The following SGSM1 variants were observed in gnomAD, a reference collection of about 807,000 sequenced individuals.
The protein encoded by SGSM1 is RUN and TBC1 domain containing 2.
A neutral mutation model predicts 133.8 loss-of-function variants in SGSM1; 73 were observed. That is an observed-to-expected ratio of 0.55 (90% confidence interval 0.45 to 0.66). SGSM1 has a LOEUF of 0.66. Ranked by LOEUF, SGSM1 falls within the 30% of genes least tolerant of loss-of-function variation. SGSM1 has a pLI of 0.00. For missense variants in SGSM1, 1,213 were observed against 1,448.1 expected (o/e 0.84, Z 2.64); for synonymous variants, 563 against 573.0 (o/e 0.98, Z 0.25).
intron 2 of SGSM1, among the ~76,000 whole-genome samples, chr22:24,811,676 G>A (rs1330731997): frequency 6.6e-6 from 1 of 151,922 alleles, no homozygotes; most frequent in Non-Finnish European, 1.5e-5. Context: ...GACCAGCCTG[G>A]GCAACATAGC....
intron 2 of SGSM1, chr22:24,844,617 T>A (rs1929987086): frequency 9.4e-6 from 4 of 423,928 alleles, no homozygotes; most frequent in Admixed American, 3.8e-5. Flanking sequence ...GACAGTGTGG[T>A]CAGGAAAGGA....
chr22:24,835,191 C>T (rs1343088978), intron 2 of SGSM1, among the ~76,000 whole-genome samples: 3 of 152,186 alleles, frequency 2.0e-5, no homozygotes, highest in African/African-American at 7.2e-5. Flanking sequence ...AGGTGGGATG[C>T]ACAGACCAGA....
At chr22:24,870,379 C>A (rs114556541) in intron 12 of SGSM1, among the ~76,000 whole-genome samples, 3 of 152,234 alleles carry the variant, frequency 2.0e-5, no homozygotes, top group Non-Finnish European at 4.4e-5. Context: ...GAGTTCTACT[C>A]GAGAGCCAGT....
intron 13 of SGSM1, among the ~76,000 whole-genome samples, chr22:24,877,908 T>G (rs1457412691): frequency 1.3e-5 from 2 of 149,404 alleles, no homozygotes; most frequent in Non-Finnish European, 1.5e-5. Flanking sequence ...CCTCCCGGGT[T>G]TAAGCAATTC....
At chr22:24,812,779 A>G (rs1466497400) in intron 2 of SGSM1, among the ~76,000 whole-genome samples, 1 of 152,000 alleles carries the variant, frequency 6.6e-6, no homozygotes, top group Non-Finnish European at 1.5e-5. Flanking sequence ...TCCCTCTGTT[A>G]TTTTCTTTCT....
Position 24,842,189 on chromosome 22 carries a change from T to C in SGSM1, c.64-2708T>C, listed in dbSNP as rs150422115. On this transcript the variant is annotated intron_variant, in intron 2 of 24. Transcript: ENST00000400358. ...GGAGCAAAGGAAAGAAAGAGGTAGA[T>C]TCCTGCAGAGGGGAGAGAGGTGTGC... Among the ~76,000 whole-genome samples the C allele has an allele frequency of 2.4e-4, 37 of 152,286 alleles. No individual in the cohort carries two copies. The East Asian group carries it at 7.2e-3, about 29-fold the overall frequency.
intron 5 of SGSM1, among the ~76,000 whole-genome samples, chr22:24,852,439 T>A (rs1431669974): frequency 1.3e-5 from 2 of 152,172 alleles, no homozygotes; most frequent in African/African-American, 2.4e-5. Flanking sequence ...TACCTGCTAA[T>A]TTTTAAATTT....
chr22:24,917,843 T>A (rs1933873370), intron 23 of SGSM1, 89 bp downstream of exon 23: 1 of 1,076,408 alleles, frequency 9.3e-7, no homozygotes, highest in Non-Finnish European at 1.4e-6. Flanking sequence ...GGTTGAGGGG[T>A]TGGCAACAGA....
chr22:24,843,084 C>T (rs1411649679), intron 2 of SGSM1, among the ~76,000 whole-genome samples: 1 of 152,226 alleles, frequency 6.6e-6, no homozygotes, highest in Non-Finnish European at 1.5e-5. Context: ...CCTTCCTACC[C>T]TGTGACCTTG....
At chr22:24,885,538 A>C (rs574445795) in intron 15 of SGSM1, among the ~76,000 whole-genome samples, 2 of 148,470 alleles carry the variant, frequency 1.3e-5, no homozygotes, top group Admixed American at 6.9e-5. Flanking sequence ...TCCCGGGTTC[A>C]AGCGATTCTT....
At chr22:24,839,124 T>C (rs4822553) in intron 2 of SGSM1, among the ~76,000 whole-genome samples, 121,344 of 152,184 alleles carry the variant, frequency 0.8, 49,252 homozygotes, top group African/African-American at 0.94. Context: ...AGTGTGATCA[T>C]GGCTCACTGC....
At position 24,810,839 on chromosome 22, in the gene SGSM1, G is replaced by A. The variant is rs549100746; in HGVS notation, c.63+4355G>A. ...ACTGAGCCTCCCAGCCTCTGGGTTA[G>A]GGGTGATGAGATGGGAGAGGCAGGC... On this transcript the variant is annotated intron_variant, in intron 2 of 24. Transcript: ENST00000400358. Among the ~76,000 whole-genome samples, 16 of 152,278 alleles carry A rather than the reference G, an allele frequency of 1.1e-4. No individual in the cohort carries two copies. In the South Asian group the frequency reaches 2.9e-3, roughly 28 times the overall value.
At chr22:24,815,826 A>G (rs5760680) in intron 2 of SGSM1, among the ~76,000 whole-genome samples, 105,585 of 151,992 alleles carry the variant, frequency 0.69, 37,011 homozygotes, top group East Asian at 0.92. Flanking sequence ...CATGCTGGGT[A>G]AGGGGTGTTG....
chr22:24,856,585 C>T (rs907021619), intron 8 of SGSM1, among the ~76,000 whole-genome samples: 11 of 152,128 alleles, frequency 7.2e-5, no homozygotes, highest in African/African-American at 2.4e-4. Flanking sequence ...TGTTTGGCCT[C>T]AGCGGGAGGA....
chr22:24,851,565 A>G lies in SGSM1; in HGVS notation c.455+1133A>G, dbSNP rs148168712. Among the ~76,000 whole-genome samples the G allele has an allele frequency of 2.1e-3, 326 of 152,040 alleles. 1 individual carries two copies. The highest frequency in any genetic ancestry group is 7.5e-3 in the African/African-American group (313 of 41,464). The stretch of plus-strand genomic sequence containing the variant: ...TCTTCACACAGTGGATGTTTTTATT[A>G]TCATTCTTTGCCCCTTTGCAAGGAA... On this transcript the variant is annotated intron_variant, in intron 5 of 24. Transcript: ENST00000400358.
chr22:24,921,967 C>G (rs1278679589), intron 24 of SGSM1, among the ~76,000 whole-genome samples: 1 of 152,026 alleles, frequency 6.6e-6, no homozygotes, highest in Non-Finnish European at 1.5e-5. Flanking sequence ...TCCCAAAGTA[C>G]TGGGATTACA....
At position 24,898,267 on chromosome 22, in the gene SGSM1, G is replaced by A. The variant is rs138542952; in HGVS notation, c.2318G>A (p.Arg773Gln). 1.3e-4 allele frequency: 207 copies of A among 1,613,824 alleles called. No homozygotes were observed. The highest frequency in any genetic ancestry group is 6.7e-4 in the Admixed American group (40 of 59,994). ...ACCACATCTCAGGATGAGGCTCCCCGGGAGGAGCTGGCCGTGCAGGACAGC... is the reference window on the plus strand; with the variant it reads ...ACCACATCTCAGGATGAGGCTCCCCAGGAGGAGCTGGCCGTGCAGGACAGC... ...EATTSQDEAP[R>Q]EELAVQDSLE... Residue 773 changes from arginine (R) to glutamine (Q), a missense_variant, in exon 19 of 25, where the codon CGG becomes CAG. Arg to Gln is a conservative substitution (Grantham distance 43, BLOSUM62 1). Coordinates refer to ENST00000400358, the MANE Select transcript of SGSM1 (RefSeq NM_001098497.3).
intron 16 of SGSM1, among the ~76,000 whole-genome samples, chr22:24,887,019 G>A (rs73157909): frequency 1.3e-5 from 2 of 152,002 alleles, no homozygotes; most frequent in South Asian, 4.1e-4. Flanking sequence ...TTGTAAAACT[G>A]TAAGGTAGTA....
At chr22:24,810,746 C>T (rs1374944105) in intron 2 of SGSM1, among the ~76,000 whole-genome samples, 8 of 152,072 alleles carry the variant, frequency 5.3e-5, no homozygotes, top group Non-Finnish European at 8.8e-5. Flanking sequence ...GCTCTGCGAC[C>T]GGAGCTGGTG....
Sources: allele counts gnomAD v4.1 joint callset (sites outside exome capture counted in the v4.1 genomes callset), GRCh38; gene constraint gnomAD v4.1.1; transcripts MANE v1.5; gene names NCBI Gene and HGNC (gene_info 2026-07-23, HGNC 2026-07-21).